Variants in ASCC3 observed in about 807,000 individuals in gnomAD.
The protein encoded by ASCC3 is ASC-1 complex subunit P200.
Under a neutral mutation model 256.3 loss-of-function variants are expected in ASCC3, and 158 were observed. That is an observed-to-expected ratio of 0.62 (90% confidence interval 0.54 to 0.70). ASCC3 has a LOEUF of 0.70. ASCC3 is among the 30% of genes least tolerant of loss of function. The pLI, the probability that ASCC3 is intolerant of heterozygous loss-of-function variation, is 0.00. For synonymous variants in ASCC3, 948 were observed against 883.4 expected (o/e 1.07, Z -1.30); for missense variants, 2,259 against 2,626.0 (o/e 0.86, Z 3.05).
chr6:100,630,612 T>A (rs1312573934), intron 26 of ASCC3, among the ~76,000 whole-genome samples: 1 of 151,986 alleles, frequency 6.6e-6, no homozygotes, highest in African/African-American at 2.4e-5. Context: ...GATGCTCTAC[T>A]GGAAATTCGT....
chr6:100,526,113 A>C (rs1774566111), intron 37 of ASCC3, among the ~76,000 whole-genome samples: 1 of 152,204 alleles, frequency 6.6e-6, no homozygotes. Flanking sequence ...TTTTACCCCC[A>C]GAAGGTTAGC....
At chr6:100,783,678 A>G (rs1465539261) in intron 8 of ASCC3, among the ~76,000 whole-genome samples, 2 of 152,172 alleles carry the variant, frequency 1.3e-5, no homozygotes, top group Admixed American at 1.3e-4. Flanking sequence ...AAATACACCA[A>G]TCCCAAACTA....
chr6:100,653,463 C>T (rs1582638975), intron 17 of ASCC3, among the ~76,000 whole-genome samples: 1 of 151,892 alleles, frequency 6.6e-6, no homozygotes, highest in East Asian at 2.0e-4. Context: ...CAAGGAGAAA[C>T]CCCATCTCTA....
intron 10 of ASCC3, among the ~76,000 whole-genome samples, chr6:100,764,840 G>T (rs951615365): frequency 1.3e-5 from 2 of 152,062 alleles, no homozygotes; most frequent in South Asian, 2.1e-4. Flanking sequence ...GGGGGTCGGG[G>T]AGATGATATG....
intron 10 of ASCC3, among the ~76,000 whole-genome samples, chr6:100,731,313 T>G (rs1779893939): frequency 6.6e-6 from 1 of 152,216 alleles, no homozygotes; most frequent in African/African-American, 2.4e-5. Context: ...TGTTAAGACA[T>G]TTTTCATCAA....
chr6:100,515,757 T>A (rs240779), intron 39 of ASCC3, among the ~76,000 whole-genome samples: 13,396 of 152,032 alleles, frequency 0.088, 805 homozygotes, highest in African/African-American at 0.16. Context: ...TACCCAAGCA[T>A]ACAGAAGGAA....
At chr6:100,617,638 C>A (rs1773737872) in intron 30 of ASCC3, among the ~76,000 whole-genome samples, 1 of 152,196 alleles carries the variant, frequency 6.6e-6, no homozygotes, top group Admixed American at 6.5e-5. Flanking sequence ...TCATCCAGGA[C>A]CTTCAAATGA....
intron 13 of ASCC3, among the ~76,000 whole-genome samples, chr6:100,689,544 G>T (rs776633205): frequency 1.8e-4 from 27 of 152,104 alleles, no homozygotes; most frequent in Non-Finnish European, 3.7e-4. Context: ...TACCCTTCCT[G>T]CTATCATCCA....
At chr6:100,517,671 A>C (rs989368040) in intron 38 of ASCC3, among the ~76,000 whole-genome samples, 2 of 152,172 alleles carry the variant, frequency 1.3e-5, no homozygotes, top group African/African-American at 4.8e-5. Flanking sequence ...TTAGATCACA[A>C]AGCATTTTAA....
At chr6:100,575,178 CCTTT>C (rs1368631769) in intron 36 of ASCC3, among the ~76,000 whole-genome samples, 3 of 151,956 alleles carry the variant, frequency 2.0e-5, no homozygotes, top group African/African-American at 7.2e-5. Flanking sequence ...AGTTAACCTT[CCTTT>C]CTTTCATTTT....
intron 13 of ASCC3, among the ~76,000 whole-genome samples, chr6:100,702,609 G>C (rs1431966632): frequency 1.3e-5 from 2 of 152,074 alleles, no homozygotes; most frequent in East Asian, 3.9e-4. Flanking sequence ...AAGGGTCTAA[G>C]GCCACGCCTG....
At chr6:100,600,235 A>ACACG (rs753473569) in intron 34 of ASCC3, among the ~76,000 whole-genome samples, 1,805 of 145,300 alleles carry the variant, frequency 0.012, 10 homozygotes, top group Non-Finnish European at 0.02. Flanking sequence ...ACACACACAC[A>ACACG]CACAGTTGTA....
intron 36 of ASCC3, among the ~76,000 whole-genome samples, chr6:100,583,156 G>A (rs945828087): frequency 4.6e-5 from 7 of 152,180 alleles, no homozygotes; most frequent in Non-Finnish European, 5.9e-5. Flanking sequence ...GTTTCAGAAG[G>A]AATGGTACCA....
At chr6:100,580,984 T>A (rs1771209837) in intron 36 of ASCC3, among the ~76,000 whole-genome samples, 1 of 152,164 alleles carries the variant, frequency 6.6e-6, no homozygotes, top group Admixed American at 6.5e-5. Flanking sequence ...TCTATCATTG[T>A]TGGACATTTG....
intron 36 of ASCC3, among the ~76,000 whole-genome samples, chr6:100,577,897 A>G (rs1770960395): frequency 6.6e-6 from 1 of 152,100 alleles, no homozygotes; most frequent in Admixed American, 6.6e-5. Flanking sequence ...TGGGTAGAAT[A>G]GTGAGCAACG....
chr6:100,581,740 C>A (rs1771282731), intron 36 of ASCC3, among the ~76,000 whole-genome samples: 1 of 151,892 alleles, frequency 6.6e-6, no homozygotes, highest in Non-Finnish European at 1.5e-5. Flanking sequence ...GTCTTTAATC[C>A]ATCTTGGATT....
At chr6:100,581,016 A>G (rs1771212374) in intron 36 of ASCC3, among the ~76,000 whole-genome samples, 1 of 152,074 alleles carries the variant, frequency 6.6e-6, no homozygotes, top group East Asian at 1.9e-4. Context: ...AGTCTTTGCT[A>G]TTGCGAATAG....
intron 4 of ASCC3, among the ~76,000 whole-genome samples, chr6:100,825,350 G>GT (rs1026441470): frequency 4.7e-5 from 7 of 149,240 alleles, no homozygotes; most frequent in Non-Finnish European, 1.0e-4. Context: ...TGCTACTCAA[G>GT]TTTTTTTTCC....
At chr6:100,867,716 A>T (rs961825513) in intron 2 of ASCC3, among the ~76,000 whole-genome samples, 192 bp downstream of exon 2, 5 of 152,168 alleles carry the variant, frequency 3.3e-5, no homozygotes, top group African/African-American at 1.2e-4. Flanking sequence ...CCCCTTGACA[A>T]TATGGTTTTA....
Sources: gnomAD v4.1 joint callset for allele counts (sites outside exome capture counted in the v4.1 genomes callset) on GRCh38, gnomAD v4.1.1 for gene constraint, MANE v1.5 for transcripts, NCBI Gene and HGNC (gene_info 2026-07-23, HGNC 2026-07-21) for gene names.